Variants in GCNT2 observed in about 807,000 individuals in gnomAD.
GCNT2 encodes glucosaminyl (N-acetyl) transferase 2 (I blood group).
Under a neutral mutation model 34.2 loss-of-function variants are expected in GCNT2, and 34 were observed. The observed-to-expected ratio is 1.00, with a 90% CI of 0.76 to 1.32. The LOEUF (loss-of-function observed/expected upper bound fraction) is 1.32, where lower values mean the gene tolerates loss of function less well. Among genes scored for constraint, GCNT2 ranks in the 40% most tolerant of loss-of-function variants. GCNT2 has a pLI of 0.00. For synonymous variants in GCNT2, 212 were observed against 188.0 expected (o/e 1.13, Z -1.04); for missense variants, 584 against 489.4 (o/e 1.19, Z -1.82).
At chr6:10,579,841 A>AAAAC (rs1561814502) in intron 3 of GCNT2, among the ~76,000 whole-genome samples, 1,863 of 148,824 alleles carry the variant, frequency 0.013, 39 homozygotes, top group African/African-American at 0.044. Flanking sequence ...AAAAAAAAAA[A>AAAAC]AAAAAAACAA....
chr6:10,581,163 G>A (rs945710169), intron 3 of GCNT2, among the ~76,000 whole-genome samples: 7 of 152,178 alleles, frequency 4.6e-5, no homozygotes, highest in African/African-American at 7.2e-5. Context: ...CCACTCAGAA[G>A]GCATCACATG....
At chr6:10,576,914 TAATAAC>T (rs1561812399) in intron 3 of GCNT2, among the ~76,000 whole-genome samples, 1 of 150,736 alleles carries the variant, frequency 6.6e-6, no homozygotes, top group Non-Finnish European at 1.5e-5. Context: ...TGTCTAAAAA[TAATAAC>T]AATAATAATA....
chr6:10,578,413 G>T (rs1763918786), intron 3 of GCNT2, among the ~76,000 whole-genome samples: 1 of 144,308 alleles, frequency 6.9e-6, no homozygotes, highest in Non-Finnish European at 1.5e-5. Context: ...AAAAAGAGTT[G>T]ATGAAGTCCC....
At chr6:10,579,216 T>C (rs1763959349) in intron 3 of GCNT2, among the ~76,000 whole-genome samples, 1 of 152,230 alleles carries the variant, frequency 6.6e-6, no homozygotes, top group African/African-American at 2.4e-5. Context: ...AATATTAACC[T>C]CTAGTCTTAC....
rs750203095 is a variant in GCNT2, at chr6:10,586,462, CTG to C, written c.926-34886_926-34885del. ...GCTTTCATTGCTTCAAAGACAGAGT[CTG>C]TGGTTTATGCAGGCATTTCCAGACT... is the stretch of plus-strand genomic sequence containing the variant. On this transcript the variant is annotated intron_variant, in intron 3 of 4. Transcript: ENST00000495262. 61 of 1,614,142 alleles carry C rather than the reference CTG, an allele frequency of 3.8e-5. No individual in the cohort carries two copies. In the Middle Eastern group the frequency reaches 6.6e-4, roughly 17 times the overall value.
chr6:10,549,542 T>C (rs1308730083), intron 3 of GCNT2, among the ~76,000 whole-genome samples: 3 of 150,222 alleles, frequency 2.0e-5, no homozygotes, highest in Admixed American at 1.3e-4. Flanking sequence ...CCTTACTTCC[T>C]TTCTCTCTCA....
chr6:10,563,467 C>G (rs1263161026), intron 3 of GCNT2, among the ~76,000 whole-genome samples: 9 of 151,998 alleles, frequency 5.9e-5, no homozygotes, highest in African/African-American at 1.9e-4. Context: ...CTTAGCTGGG[C>G]GTGGTGGCTC....
intron 3 of GCNT2, among the ~76,000 whole-genome samples, chr6:10,582,985 T>C (rs753757572): frequency 6.6e-6 from 1 of 152,134 alleles, no homozygotes; most frequent in Non-Finnish European, 1.5e-5. Context: ...TAAGTAACTT[T>C]ACCCAGGCAC....
chr6:10,626,360 A>G, intron 4 of GCNT2, 57 bp from the exon 5 acceptor site: 1 of 1,256,754 alleles, frequency 8.0e-7, no homozygotes, highest in Non-Finnish European at 1.2e-6. Flanking sequence ...CTGTAAGTTC[A>G]TCACCCTTTT....
intron 3 of GCNT2, chr6:10,556,242 C>G: frequency 6.9e-7 from 1 of 1,449,220 alleles, no homozygotes; most frequent in Non-Finnish European, 9.0e-7. Flanking sequence ...GCTGTAATAT[C>G]GGCACAGGGA....
intron 3 of GCNT2, among the ~76,000 whole-genome samples, chr6:10,589,044 A>G (rs1307211811): frequency 3.5e-4 from 27 of 76,814 alleles, no homozygotes; most frequent in South Asian, 1.0e-3. Context: ...TGGTATGTGT[A>G]TGGTGTGTGT....
At position 10,627,575 on chromosome 6, in the gene GCNT2, A is replaced by T. The variant is rs975703225; in HGVS notation, c.*968A>T. On this transcript the variant is annotated 3_prime_UTR_variant, in exon 5 of 5. Transcript: ENST00000495262. ...GATTTTTAAGAGCCTTCAATTGTAGATGAACATCTCTGTTATTTATCCCTC... is the reference window on the plus strand; with the variant it reads ...GATTTTTAAGAGCCTTCAATTGTAGTTGAACATCTCTGTTATTTATCCCTC... 1 of 152,320 alleles carries T rather than the reference A, an allele frequency of 6.6e-6. No individual in the cohort carries two copies. The highest frequency in any genetic ancestry group is 2.1e-4 in the South Asian group (1 of 4,828). The allele number at this position is 152,320 out of a possible 1,614,324, so 9.4% of individuals were successfully genotyped here. A position where few individuals can be genotyped will look rare whatever the true frequency, so the allele number is the denominator to read the frequency against.
At chr6:10,576,318 G>T (rs1052392465) in intron 3 of GCNT2, among the ~76,000 whole-genome samples, 2 of 152,170 alleles carry the variant, frequency 1.3e-5, no homozygotes, top group South Asian at 2.1e-4. Context: ...CAACAGCAGG[G>T]TTGAGTTGTT....
intron 3 of GCNT2, among the ~76,000 whole-genome samples, chr6:10,545,880 C>A (rs1762243717): frequency 6.6e-6 from 1 of 152,148 alleles, no homozygotes; most frequent in Non-Finnish European, 1.5e-5. Flanking sequence ...AAATCAGTTA[C>A]AATGGATAGG....
rs755572823 is a variant in GCNT2 at position 10,529,503 on chromosome 6, A to C, written c.592A>C (p.Lys198Gln). 1.2e-5 allele frequency: 20 copies of C among 1,613,990 alleles called. No individual in the cohort carries two copies. The highest frequency in any genetic ancestry group is 1.7e-5 in the Non-Finnish European group (20 of 1,179,964). The change falls in exon 3 of 5, where the codon AAA becomes CAA. Residue 198 changes from lysine to glutamine, a missense_variant. By Grantham distance (53) the Lys-to-Gln change is moderately conservative. Transcript: ENST00000495262. The stretch of plus-strand genomic sequence containing the variant: ...CACCTGCGGGCAAGACTTTCCCCTG[A>C]AAACCAACAGGGAAATAGTTCAGTA... ...INTCGQDFPL[K>Q]TNREIVQYLK...
intron 3 of GCNT2, among the ~76,000 whole-genome samples, chr6:10,565,716 T>C (rs912734611): frequency 5.3e-5 from 8 of 152,172 alleles, no homozygotes; most frequent in Admixed American, 3.3e-4. Flanking sequence ...TCCTGGTAAA[T>C]TCTTTTCCCC....
intron 3 of GCNT2, among the ~76,000 whole-genome samples, chr6:10,579,822 CAAACAAAAAAAAA>C (rs1763983992): frequency 2.3e-5 from 1 of 44,332 alleles, no homozygotes; most frequent in Non-Finnish European, 4.7e-5. Flanking sequence ...TCTCAAAAAA[CAAACAAAAAAAAA>C]AAAAAAAAAA....
At chr6:10,575,454 T>C (rs596933) in intron 3 of GCNT2, among the ~76,000 whole-genome samples, 94,113 of 150,720 alleles carry the variant, frequency 0.62, 29,605 homozygotes, top group Middle Eastern at 0.72. Context: ...CTCCGACTCT[T>C]GGGTTCAAGA....
At chr6:10,552,337 C>T (rs1177323258) in intron 3 of GCNT2, among the ~76,000 whole-genome samples, 1 of 151,988 alleles carries the variant, frequency 6.6e-6, no homozygotes, top group Non-Finnish European at 1.5e-5. Flanking sequence ...ACCTGGCCAC[C>T]CAGAGCAGAA....
Sources: gnomAD v4.1 joint callset for allele counts (sites outside exome capture counted in the v4.1 genomes callset) on GRCh38, gnomAD v4.1.1 for gene constraint, MANE v1.5 for transcripts, NCBI Gene and HGNC (gene_info 2026-07-23, HGNC 2026-07-21) for gene names.